The following ADAMTS6 variants were observed in gnomAD, a reference collection of about 807,000 sequenced individuals.
ADAMTS6 encodes the protein ADAM metallopeptidase with thrombospondin type 1 motif 6, also known as A disintegrin and metalloproteinase with thrombospondin motifs 6.
A neutral mutation model predicts 144.3 loss-of-function variants in ADAMTS6; 23 were observed. The ratio of observed to expected loss-of-function variants is 0.16; its 90% CI spans 0.11 to 0.23. ADAMTS6 has a LOEUF of 0.23. ADAMTS6 is among the 10% of genes least tolerant of loss of function. ADAMTS6 has a pLI of 1.00. For missense variants in ADAMTS6, 999 were observed against 1,379.6 expected, an observed-to-expected ratio of 0.72 and a Z score of 4.37; for synonymous variants, 444 against 457.5, an observed-to-expected ratio of 0.97 and a Z score of 0.38.
intron 7 of ADAMTS6, among the ~76,000 whole-genome samples, chr5:65,404,668 G>C (rs986323345): frequency 1.3e-5 from 2 of 152,112 alleles, no homozygotes; most frequent in Non-Finnish European, 2.9e-5. Flanking sequence ...CCCAGTAATG[G>C]GATGGCTGGG....
At chr5:65,198,507 C>T (rs1211027511) in intron 20 of ADAMTS6, 3 of 167,048 alleles carry the variant, frequency 1.8e-5, no homozygotes, top group Admixed American at 6.5e-5. Context: ...GGAGTGCCTC[C>T]GTTATCATGT....
At chr5:65,246,312 C>T (rs1347171522) in intron 14 of ADAMTS6, among the ~76,000 whole-genome samples, 2 of 152,116 alleles carry the variant, frequency 1.3e-5, no homozygotes, top group Non-Finnish European at 2.9e-5. Context: ...ACTGTTAGTC[C>T]TCTTAAAACA....
chr5:65,365,632 G>A (rs1009258051), intron 7 of ADAMTS6, among the ~76,000 whole-genome samples: 10 of 146,804 alleles, frequency 6.8e-5, no homozygotes, highest in African/African-American at 2.6e-4. Flanking sequence ...GGGCAACAGA[G>A]TGAGACTCTG....
rs1344004115 is a variant in ADAMTS6 at position 65,219,337 on chromosome 5, G to A, written c.2273-3850C>T. On this transcript the variant is annotated intron_variant, in intron 18 of 24. Transcript: ENST00000381055. Reference sequence around the variant, plus strand: ...GATTTACTGTCTGACCCTTAACAGCGATAGTTGCCGACCCCCAACCCCCCC... The same window carrying A: ...GATTTACTGTCTGACCCTTAACAGCAATAGTTGCCGACCCCCAACCCCCCC... Among the ~76,000 whole-genome samples, 9 of 152,076 alleles carry A rather than the reference G, an allele frequency of 5.9e-5. No homozygotes were observed. In the East Asian group the frequency reaches 1.2e-3, roughly 20 times the overall value.
Position 65,242,223 on chromosome 5 carries a change from T to C in ADAMTS6, c.1831-17A>G, listed in dbSNP as rs1224176658. The C allele has an allele frequency of 3.8e-6, 6 of 1,572,302 alleles. No individual in the cohort carries two copies. The highest frequency in any genetic ancestry group is 2.3e-5 in the East Asian group (1 of 44,276). ...AGGGCATGGCTAAAATAAAATAAAA[T>C]CATAAATGGTACCATTGTTGGAAAA... On this transcript the variant is annotated splice_polypyrimidine_tract_variant and intron_variant, in intron 14 of 24. Transcript: ENST00000381055.
chr5:65,334,026 A>AAAAAAAAAAAAAAATAAC lies in ADAMTS6; in HGVS notation c.1117+15_1117+16insGTTATTTTTTTTTTTTTT. 1 of 1,299,278 alleles carries AAAAAAAAAAAAAAATAAC rather than the reference A, an allele frequency of 7.7e-7. No individual in the cohort carries two copies. The highest frequency in any genetic ancestry group is 1.0e-6 in the Non-Finnish European group (1 of 1,002,190). The allele number at this position is 1,299,278 out of a possible 1,614,324, so 80.5% of individuals were successfully genotyped here. A position where few individuals can be genotyped will look rare whatever the true frequency, so the allele number is the denominator to read the frequency against. On this transcript the variant is annotated intron_variant, in intron 8 of 24. Transcript: ENST00000381055. ...AAAAAAAAAAAAAAAAAAAAAAAAA[A>AAAAAAAAAAAAAAATAAC]CCAAAAAAAACTTACCCAGTGTTCC...
intron 7 of ADAMTS6, among the ~76,000 whole-genome samples, chr5:65,335,656 GA>G (rs1747232434): frequency 6.6e-6 from 1 of 151,656 alleles, no homozygotes; most frequent in Non-Finnish European, 1.5e-5. Context: ...CATATACTAG[GA>G]ATAGAAAGAT....
chr5:65,157,966 C>A (rs1330521866), intron 24 of ADAMTS6, among the ~76,000 whole-genome samples: 1 of 152,148 alleles, frequency 6.6e-6, no homozygotes, highest in Admixed American at 6.5e-5. Flanking sequence ...ATAGACTAGA[C>A]CATTCCTTTC....
At chr5:65,295,945 C>CA in intron 10 of ADAMTS6, among the ~76,000 whole-genome samples, 1 of 152,034 alleles carries the variant, frequency 6.6e-6, no homozygotes, top group East Asian at 1.9e-4. Flanking sequence ...AGTTACAGTT[C>CA]GGTCATCAGC....
intron 7 of ADAMTS6, among the ~76,000 whole-genome samples, chr5:65,354,131 G>A (rs1430196414): frequency 6.6e-6 from 1 of 151,680 alleles, no homozygotes; most frequent in African/African-American, 2.4e-5. Context: ...TCTTCCTTGA[G>A]CTCCAGCTGC....
intron 7 of ADAMTS6, among the ~76,000 whole-genome samples, chr5:65,435,432 T>C (rs1052266810): frequency 7.2e-5 from 11 of 152,128 alleles, no homozygotes; most frequent in African/African-American, 2.7e-4. Flanking sequence ...CATGGGTTTC[T>C]TATATTTTCT....
chr5:65,398,822 AAGAAAGAAAGAAAG>A lies in ADAMTS6; in HGVS notation c.1073+52639_1073+52652del, dbSNP rs1355543001. On this transcript the variant is annotated intron_variant, in intron 7 of 24. Transcript: ENST00000381055. ...AAAGAAAGAAAGAAAGAAAGAAAGA[AAGAAAGAAAGAAAG>A]AAAGAAAGAAAGAAAAAGAAAGAGA... Among the ~76,000 whole-genome samples, 12 of 149,168 alleles carry A rather than the reference AAGAAAGAAAGAAAG, an allele frequency of 8.0e-5. No individual in the cohort carries two copies. The South Asian group carries it at 2.3e-3, about 29-fold the overall frequency.
At position 65,420,671 on chromosome 5, in the gene ADAMTS6, C is replaced by T. The variant is rs111356053; in HGVS notation, c.1073+30804G>A. On this transcript the variant is annotated intron_variant, in intron 7 of 24. Transcript: ENST00000381055. ...GCTGGGATTACAGGCGTGACCACTGCGCCCGGCCTCTGAATTTCTTAAAAA... is the reference window on the plus strand; with the variant it reads ...GCTGGGATTACAGGCGTGACCACTGTGCCCGGCCTCTGAATTTCTTAAAAA... 9.1e-3 allele frequency among the ~76,000 whole-genome samples: 1,376 copies of T among 151,928 alleles called. 9 individuals are homozygous for T. Among genetic ancestry groups the T allele is most frequent in the Non-Finnish European group, 0.015 (1,019 of 67,982 alleles).
At chr5:65,199,742 T>G (rs1755615837) in intron 20 of ADAMTS6, among the ~76,000 whole-genome samples, 1 of 152,188 alleles carries the variant, frequency 6.6e-6, no homozygotes, top group Admixed American at 6.5e-5. Context: ...CATTCATTCA[T>G]TCATTCAACA....
At chr5:65,213,049 A>C (rs1190029264) in intron 20 of ADAMTS6, among the ~76,000 whole-genome samples, 1 of 152,224 alleles carries the variant, frequency 6.6e-6, no homozygotes, top group Admixed American at 6.5e-5. Context: ...AAAATAATGC[A>C]ATGGCATATA....
chr5:65,154,318 G>C (rs1240216427), intron 24 of ADAMTS6, among the ~76,000 whole-genome samples: 1 of 152,232 alleles, frequency 6.6e-6, no homozygotes, highest in Non-Finnish European at 1.5e-5. Flanking sequence ...CCAGAACACA[G>C]CCTTTTGTTC....
At chr5:65,336,710 T>A (rs1267731606) in intron 7 of ADAMTS6, among the ~76,000 whole-genome samples, 2 of 152,140 alleles carry the variant, frequency 1.3e-5, no homozygotes, top group Non-Finnish European at 2.9e-5. Context: ...ATGATATTTG[T>A]GCCTTCCTGC....
At chr5:65,333,416 G>A (rs1338192826) in intron 8 of ADAMTS6, among the ~76,000 whole-genome samples, 2 of 151,996 alleles carry the variant, frequency 1.3e-5, no homozygotes, top group Non-Finnish European at 2.9e-5. Flanking sequence ...CCCTTAGGGA[G>A]CACAAGAAAG....
At position 65,441,727 on chromosome 5, in the gene ADAMTS6, A is replaced by C. The variant is rs778891688; in HGVS notation, c.1073+9748T>G. On this transcript the variant is annotated intron_variant, in intron 7 of 24. Coordinates refer to ENST00000381055, the MANE Select transcript of ADAMTS6 (RefSeq NM_197941.4). ...AAAGCATTCAAGTCATGCAAACTAT[A>C]TTATCTGACCACAGTGGAACTAAAT... Among the ~76,000 whole-genome samples, 172 of 152,032 alleles carry C rather than the reference A, an allele frequency of 1.1e-3. 2 individuals carry two copies. The highest frequency in any genetic ancestry group is 2.0e-3 in the Non-Finnish European group (135 of 67,974).
Sources: gnomAD v4.1 joint callset for allele counts (sites outside exome capture counted in the v4.1 genomes callset) on GRCh38, gnomAD v4.1.1 for gene constraint, MANE v1.5 for transcripts, NCBI Gene and HGNC (gene_info 2026-07-23, HGNC 2026-07-21) for gene names.